MRC1: variants seen among roughly 807,000 people sequenced by gnomAD.
MRC1 encodes mannose receptor C-type 1, also known as macrophage mannose receptor 1.
Under a neutral mutation model 102.9 loss-of-function variants are expected in MRC1, and 62 were observed. The observed-to-expected ratio is 0.60, with a 90% CI of 0.49 to 0.74. MRC1 has a LOEUF of 0.74. Among genes scored for constraint, MRC1 ranks in the 30% least tolerant of loss-of-function variants. The probability of loss-of-function intolerance (pLI) is 0.00; values close to 1 mark genes in which losing one functional copy is unlikely to be tolerated. For synonymous variants in MRC1, 457 were observed against 298.4 expected, an observed-to-expected ratio of 1.53 and a Z score of -5.48; for missense variants, 1,237 against 862.8, an observed-to-expected ratio of 1.43 and a Z score of -5.43.
At chr10:17,872,774 G>A (rs1479710648) in intron 15 of MRC1, among the ~76,000 whole-genome samples, 4 of 152,188 alleles carry the variant, frequency 2.6e-5, no homozygotes, top group Non-Finnish European at 5.9e-5. Context: ...CAGAGGATCC[G>A]AGTTCTAATG....
intron 4 of MRC1, among the ~76,000 whole-genome samples, chr10:17,837,306 C>G (rs1838681781): frequency 6.6e-6 from 1 of 152,158 alleles, no homozygotes; most frequent in African/African-American, 2.4e-5. Flanking sequence ...GTAGTACTTC[C>G]TGCCTTTCTT....
intron 10 of MRC1, among the ~76,000 whole-genome samples, chr10:17,863,233 C>T (rs1021709232): frequency 5.8e-4 from 89 of 152,156 alleles, no homozygotes; most frequent in African/African-American, 2.1e-3. Flanking sequence ...TTTGTATTCT[C>T]AAAATTCTCT....
intron 26 of MRC1, among the ~76,000 whole-genome samples, chr10:17,905,224 AG>A (rs1833880124): frequency 1.3e-5 from 2 of 152,206 alleles, no homozygotes; most frequent in South Asian, 4.1e-4. Context: ...TTAAGGCTAC[AG>A]CAGAACTGGA....
In MRC1 at chr10:17,857,749, T is replaced by G. The variant is rs1693243070; in HGVS notation, c.1518+1397T>G. Among the ~76,000 whole-genome samples the G allele has an allele frequency of 3.3e-5, 5 of 152,240 alleles. No individual in the cohort carries two copies. In the South Asian group the frequency reaches 1.0e-3, roughly 31 times the overall value. ...AAGGAAGATAATAATGCAATTTTTT[T>G]CTGCCTGGGCTTTGGCATACAGTGG... On this transcript the variant is annotated intron_variant, in intron 9 of 29. Transcript: ENST00000569591.
intron 21 of MRC1, among the ~76,000 whole-genome samples, chr10:17,881,831 A>G (rs1413490968): frequency 1.7e-5 from 2 of 114,450 alleles, no homozygotes; most frequent in Non-Finnish European, 3.5e-5. Context: ...AATATTTTTT[A>G]AAGTTTTTTT....
chr10:17,890,949 A>G (rs1833663772), intron 22 of MRC1, among the ~76,000 whole-genome samples: 1 of 151,856 alleles, frequency 6.6e-6, no homozygotes, highest in African/African-American at 2.4e-5. Context: ...AGATTCTCAT[A>G]GAAACGTGAA....
intron 1 of MRC1, among the ~76,000 whole-genome samples, chr10:17,819,147 C>T (rs915689492): frequency 0.014 from 2,082 of 152,116 alleles, 43 homozygotes; most frequent in African/African-American, 0.048. Flanking sequence ...AACATTCAAC[C>T]AGAATGTGGT....
intron 11 of MRC1, 88 bp downstream of exon 11, chr10:17,863,770 A>G (rs1378301478): frequency 7.0e-6 from 5 of 711,142 alleles, no homozygotes; most frequent in African/African-American, 1.8e-5. Context: ...CTCTGCAAAT[A>G]GACTAGGTAA....
intron 11 of MRC1, among the ~76,000 whole-genome samples, chr10:17,866,179 T>A (rs1833263821): frequency 6.6e-6 from 1 of 151,806 alleles, no homozygotes; most frequent in African/African-American, 2.4e-5. Context: ...TGTGAAAAAC[T>A]TTGGTCCTGG....
At chr10:17,903,953 T>A (rs1226234087) in intron 26 of MRC1, among the ~76,000 whole-genome samples, 1 of 150,786 alleles carries the variant, frequency 6.6e-6, no homozygotes, top group East Asian at 1.9e-4. Context: ...GAGACTTCAT[T>A]TCAAAAGAAA....
chr10:17,809,567 C>G, intron 1 of MRC1, 41 bp downstream of exon 1: 4 of 869,602 alleles, frequency 4.6e-6, no homozygotes, highest in Non-Finnish European at 8.0e-6. Context: ...ACCTGGGGGG[C>G]CGGAACCACA....
chr10:17,842,429 A>G (rs1838765875), intron 5 of MRC1, among the ~76,000 whole-genome samples: 1 of 152,220 alleles, frequency 6.6e-6, no homozygotes, highest in African/African-American at 2.4e-5. Context: ...CGTTACTTCA[A>G]CATATGATGG....
intron 12 of MRC1, among the ~76,000 whole-genome samples, chr10:17,868,850 C>T (rs1214288832): frequency 3.3e-5 from 5 of 152,156 alleles, no homozygotes; most frequent in African/African-American, 7.2e-5. Flanking sequence ...ACATAGAAGG[C>T]GATGTATTGG....
chr10:17,826,020 A>G (rs1427377773), intron 2 of MRC1, among the ~76,000 whole-genome samples: 1 of 152,162 alleles, frequency 6.6e-6, no homozygotes, highest in Non-Finnish European at 1.5e-5. Flanking sequence ...ACAAAAAAGG[A>G]ATTTTGAGGT....
At chr10:17,842,127 TA>T (rs1260776618) in intron 5 of MRC1, among the ~76,000 whole-genome samples, 25 of 152,232 alleles carry the variant, frequency 1.6e-4, no homozygotes, top group African/African-American at 5.8e-4. Context: ...CATGCCTGGC[TA>T]ATTTTTTAAT....
At chr10:17,904,331 T>C (rs1833869314) in intron 26 of MRC1, among the ~76,000 whole-genome samples, 1 of 152,188 alleles carries the variant, frequency 6.6e-6, no homozygotes, top group Non-Finnish European at 1.5e-5. Flanking sequence ...TTCTTTTCAT[T>C]TTGGTTTAGG....
At chr10:17,895,281 A>G (rs1226840984) in intron 23 of MRC1, among the ~76,000 whole-genome samples, 2 of 152,172 alleles carry the variant, frequency 1.3e-5, no homozygotes, top group African/African-American at 4.8e-5. Flanking sequence ...GCATAGCAAC[A>G]GGTTTGATTG....
chr10:17,855,807 G>C (rs1237707951), intron 8 of MRC1, among the ~76,000 whole-genome samples: 1 of 151,996 alleles, frequency 6.6e-6, no homozygotes, highest in African/African-American at 2.4e-5. Flanking sequence ...AGTAGATGCC[G>C]TTTTCTCTCA....
chr10:17,823,065 T>G lies in MRC1; in HGVS notation c.62-9T>G. ...CTTCTTCTTTTCCTGCTTCTTTCTT[T>G]TTAAACAGACACCAGGCAATTTTTA... On this transcript the variant is annotated splice_polypyrimidine_tract_variant and intron_variant, in intron 1 of 29. Coordinates refer to ENST00000569591, the MANE Select transcript of MRC1 (RefSeq NM_002438.4). 3 of 780,836 alleles carry G rather than the reference T, an allele frequency of 3.8e-6. No homozygotes were observed. In the South Asian group the frequency reaches 4.0e-5, roughly 10 times the overall value. 48.4% of individuals were successfully genotyped at this position (780,836 alleles called of 1,614,324 possible).
Sources: allele counts gnomAD v4.1 joint callset (sites outside exome capture counted in the v4.1 genomes callset), GRCh38; gene constraint gnomAD v4.1.1; transcripts MANE v1.5; gene names NCBI Gene and HGNC (gene_info 2026-07-23, HGNC 2026-07-21).